The following WDR70 variants were observed in gnomAD, a reference collection of about 807,000 sequenced individuals.
WDR70 encodes the protein WD repeat-containing protein 70.
A neutral mutation model predicts 88.6 loss-of-function variants in WDR70; 53 were observed. That is an observed-to-expected ratio of 0.60 (90% CI 0.48 to 0.75). The LOEUF (loss-of-function observed/expected upper bound fraction) is 0.75, where lower values mean the gene tolerates loss of function less well. WDR70 is among the 30% of genes least tolerant of loss of function. The probability of loss-of-function intolerance (pLI) is 0.00; values close to 1 mark genes in which losing one functional copy is unlikely to be tolerated. For synonymous variants in WDR70, 280 were observed against 270.0 expected (o/e 1.04, Z -0.36); for missense variants, 610 against 823.2 (o/e 0.74, Z 3.17).
chr5:37,672,683 T>TTTCACATGGCATTTCACA (rs1271214312), intron 10 of WDR70, among the ~76,000 whole-genome samples: 3 of 152,254 alleles, frequency 2.0e-5, no homozygotes, highest in Non-Finnish European at 4.4e-5. Flanking sequence ...CACATTCCCC[T>TTTCACATGGCATTTCACA]TGCCAAGATA....
At chr5:37,650,030 C>A (rs1466153412) in intron 10 of WDR70, among the ~76,000 whole-genome samples, 3 of 139,024 alleles carry the variant, frequency 2.2e-5, no homozygotes, top group African/African-American at 7.7e-5. Context: ...AGCCACTGCG[C>A]CCGGCCTATT....
At chr5:37,474,742 T>G (rs960164575) in intron 7 of WDR70, among the ~76,000 whole-genome samples, 1 of 152,060 alleles carries the variant, frequency 6.6e-6, no homozygotes, top group Admixed American at 6.5e-5. Context: ...GGCCCCAATG[T>G]GTGTTGTTCC....
chr5:37,537,875 G>A (rs186574410), intron 9 of WDR70, among the ~76,000 whole-genome samples: 1 of 152,266 alleles, frequency 6.6e-6, no homozygotes, highest in East Asian at 1.9e-4. Flanking sequence ...ACTAGCATCT[G>A]ATCAGGCATC....
intron 9 of WDR70, among the ~76,000 whole-genome samples, chr5:37,560,626 A>T (rs1742473421): frequency 6.6e-6 from 1 of 152,160 alleles, no homozygotes; most frequent in African/African-American, 2.4e-5. Flanking sequence ...CATATTCCAA[A>T]TTATAAATGA....
At chr5:37,421,446 CTA>C (rs1749943858) in intron 5 of WDR70, among the ~76,000 whole-genome samples, 1 of 152,156 alleles carries the variant, frequency 6.6e-6, no homozygotes, top group African/African-American at 2.4e-5. Flanking sequence ...TGTGACAGAC[CTA>C]TCTCTTTCAT....
intron 10 of WDR70, among the ~76,000 whole-genome samples, chr5:37,634,719 A>G (rs914205636): frequency 7.9e-5 from 12 of 152,344 alleles, no homozygotes; most frequent in African/African-American, 2.4e-4. Flanking sequence ...ATTAGGATGT[A>G]GGACACCTAC....
chr5:37,542,166 G>A (rs1741840152), intron 9 of WDR70, among the ~76,000 whole-genome samples: 1 of 151,948 alleles, frequency 6.6e-6, no homozygotes, highest in Non-Finnish European at 1.5e-5. Context: ...ATGATTAGAT[G>A]ATTTTACCTA....
intron 8 of WDR70, among the ~76,000 whole-genome samples, chr5:37,486,507 G>A (rs1739876925): frequency 6.6e-6 from 1 of 151,728 alleles, no homozygotes; most frequent in Non-Finnish European, 1.5e-5. Flanking sequence ...CCCACGCTGG[G>A]CTAATTTTTG....
chr5:37,415,644 G>A (rs1327056926), intron 5 of WDR70, among the ~76,000 whole-genome samples: 3 of 150,384 alleles, frequency 2.0e-5, no homozygotes, highest in East Asian at 2.0e-4. Flanking sequence ...CGGACGGGGC[G>A]GCTGGCCGGG....
chr5:37,518,678 A>G (rs1195724329), intron 9 of WDR70, among the ~76,000 whole-genome samples: 4 of 122,954 alleles, frequency 3.3e-5, no homozygotes, highest in Non-Finnish European at 6.6e-5. Flanking sequence ...GAGCACAGAT[A>G]TCTTTTTTTT....
chr5:37,453,538 C>T (rs1314235545), intron 7 of WDR70, among the ~76,000 whole-genome samples: 2 of 152,256 alleles, frequency 1.3e-5, no homozygotes, highest in Non-Finnish European at 1.5e-5. Flanking sequence ...TGTTCCTTGC[C>T]CTCATTCCGG....
At chr5:37,397,944 C>A (rs570469995) in intron 5 of WDR70, among the ~76,000 whole-genome samples, 1 of 148,868 alleles carries the variant, frequency 6.7e-6, no homozygotes, top group African/African-American at 2.5e-5. Flanking sequence ...TGCAGTGAGC[C>A]GAGATTGCAC....
At chr5:37,636,373 C>A (rs1009649286) in intron 10 of WDR70, among the ~76,000 whole-genome samples, 2 of 152,140 alleles carry the variant, frequency 1.3e-5, no homozygotes, top group Non-Finnish European at 2.9e-5. Context: ...CACCATGAGG[C>A]AGATACCATA....
chr5:37,455,243 CTTTT>C (rs544303522), intron 7 of WDR70, among the ~76,000 whole-genome samples: 1 of 123,106 alleles, frequency 8.1e-6, no homozygotes, highest in Non-Finnish European at 1.7e-5. Flanking sequence ...TTCTTTCTTT[CTTTT>C]TTTTTTTTTT....
intron 10 of WDR70, among the ~76,000 whole-genome samples, chr5:37,682,851 A>G (rs183470716): frequency 1.3e-5 from 2 of 152,222 alleles, no homozygotes; most frequent in Admixed American, 6.5e-5. Context: ...TACGTGGTCA[A>G]TTTTGGAGTA....
chr5:37,637,575 A>G (rs1289386184), intron 10 of WDR70, among the ~76,000 whole-genome samples: 1 of 152,118 alleles, frequency 6.6e-6, no homozygotes, highest in Non-Finnish European at 1.5e-5. Flanking sequence ...TGTTTAATAA[A>G]TGAAGGGGTA....
intron 8 of WDR70, among the ~76,000 whole-genome samples, chr5:37,485,126 C>T (rs1227734644): frequency 6.6e-6 from 1 of 152,114 alleles, no homozygotes; most frequent in African/African-American, 2.4e-5. Context: ...AATTTTGAAC[C>T]TTTGTTTTAA....
chr5:37,513,682 C>T (rs1336385867), intron 8 of WDR70, among the ~76,000 whole-genome samples: 2 of 152,080 alleles, frequency 1.3e-5, no homozygotes, highest in African/African-American at 2.4e-5. Context: ...ACTTGGAGTC[C>T]GATGTTTGAG....
intron 7 of WDR70, among the ~76,000 whole-genome samples, chr5:37,459,386 A>G (rs1285782861): frequency 1.3e-5 from 2 of 151,496 alleles, no homozygotes; most frequent in African/African-American, 4.8e-5. Flanking sequence ...ATAATGCCGC[A>G]TATCTACAAC....
Sources: gnomAD v4.1 joint callset for allele counts (sites outside exome capture counted in the v4.1 genomes callset) on GRCh38, gnomAD v4.1.1 for gene constraint, MANE v1.5 for transcripts, NCBI Gene and HGNC (gene_info 2026-07-23, HGNC 2026-07-21) for gene names.